Variants in PDE10A observed in about 807,000 individuals in gnomAD.
The protein encoded by PDE10A is phosphodiesterase 10A.
In PDE10A, 39 loss-of-function variants were observed where a neutral mutation model predicts 97.7. That is an observed-to-expected ratio of 0.40 (90% confidence interval 0.31 to 0.52). The LOEUF (loss-of-function observed/expected upper bound fraction) is 0.52, where lower values mean the gene tolerates loss of function less well. Among genes scored for constraint, PDE10A ranks in the 20% least tolerant of loss-of-function variants. The pLI is 0.56. For synonymous variants in PDE10A, 371 were observed against 376.8 expected (o/e 0.98, Z 0.18); for missense variants, 731 against 1,047.8 (o/e 0.70, Z 4.17).
chr6:165,364,811 A>C (rs372250805), intron 18 of PDE10A, among the ~76,000 whole-genome samples: 6 of 152,210 alleles, frequency 3.9e-5, no homozygotes, highest in African/African-American at 1.4e-4. Context: ...AAAAATAAAA[A>C]ACAAGCAAAC....
At chr6:165,796,101 T>C (rs1010489756) in intron 1 of PDE10A, among the ~76,000 whole-genome samples, 12 of 144,038 alleles carry the variant, frequency 8.3e-5, no homozygotes, top group South Asian at 2.3e-4. Context: ...CTTTTTTTTT[T>C]TTTTTTTTTT....
rs1326612566 is a variant in PDE10A at position 165,671,854 on chromosome 6, G to T, written c.-614-128286C>A. ...CTTAAAGGGAGATCATTTTATAGGG[G>T]CATCAGTTAAAATGGTCTCCCCATA... On this transcript the variant is annotated intron_variant, in intron 1 of 19. Transcript: ENST00000366882. This position sits in a 1 kb window ranked among gnomAD's most constrained non-coding sequence, Gnocchi z 4.6. Among the ~76,000 whole-genome samples the T allele has an allele frequency of 2.0e-5, 3 of 152,054 alleles. No individual in the cohort carries two copies. Among genetic ancestry groups the T allele is most frequent in the Non-Finnish European group, 4.4e-5 (3 of 68,028 alleles).
intron 1 of PDE10A, among the ~76,000 whole-genome samples, chr6:165,547,988 T>TA (rs1296085966): frequency 6.6e-6 from 1 of 152,150 alleles, no homozygotes; most frequent in Non-Finnish European, 1.5e-5. Flanking sequence ...CGCATATGTA[T>TA]AAATATACAT....
intron 3 of PDE10A, among the ~76,000 whole-genome samples, chr6:165,472,341 T>C (rs1055445940): frequency 6.6e-6 from 1 of 152,112 alleles, no homozygotes; most frequent in African/African-American, 2.4e-5. Flanking sequence ...CCCTTTCTCA[T>C]TCCTAATGCC....
chr6:165,859,433 C>T lies in PDE10A; in HGVS notation c.-615+128096G>A, dbSNP rs537324957. On this transcript the variant is annotated intron_variant, in intron 1 of 19. Coordinates refer to the PDE10A transcript ENST00000366882. ...ACCCTGCCCCACTCAACAACAGCTC[C>T]CTGCTCCTCCTTCCCTTGGGGGCCA... Among the ~76,000 whole-genome samples, 257 of 152,332 alleles carry T rather than the reference C, an allele frequency of 1.7e-3. 1 individual carries two copies. Among genetic ancestry groups the T allele is most frequent in the Non-Finnish European group, 1.6e-3 (106 of 68,028 alleles).
chr6:165,366,136 A>G (rs1783756325), intron 18 of PDE10A, among the ~76,000 whole-genome samples: 1 of 152,180 alleles, frequency 6.6e-6, no homozygotes, highest in South Asian at 2.1e-4. Context: ...CATGATAAAC[A>G]TGATTTATCA....
chr6:165,925,851 T>A (rs1782916289), intron 1 of PDE10A, among the ~76,000 whole-genome samples: 1 of 152,120 alleles, frequency 6.6e-6, no homozygotes, highest in Non-Finnish European at 1.5e-5. Context: ...CACATAGAAC[T>A]AAATACACAC....
At chr6:165,749,403 AACAC>A (rs1792937339) in intron 1 of PDE10A, among the ~76,000 whole-genome samples, 5 of 149,048 alleles carry the variant, frequency 3.4e-5, no homozygotes, top group Admixed American at 6.7e-5. Context: ...CATTACCATC[AACAC>A]CATCACCATC....
intron 18 of PDE10A, among the ~76,000 whole-genome samples, chr6:165,361,070 A>G (rs1783385714): frequency 6.6e-6 from 1 of 152,260 alleles, no homozygotes; most frequent in Non-Finnish European, 1.5e-5. Flanking sequence ...AGATTAAAAG[A>G]GAATTGTATA....
chr6:165,494,780 C>A (rs192844899), intron 2 of PDE10A, among the ~76,000 whole-genome samples: 1 of 152,088 alleles, frequency 6.6e-6, no homozygotes, highest in East Asian at 1.9e-4. Context: ...AGTAAGTAGC[C>A]TGCTTTCTGT....
chr6:165,363,713 C>A (rs1562384638), intron 18 of PDE10A, among the ~76,000 whole-genome samples: 2 of 151,852 alleles, frequency 1.3e-5, no homozygotes, highest in Non-Finnish European at 2.9e-5. Flanking sequence ...GTACAAAAAT[C>A]AATTATTTCT....
rs370007179 is a variant in PDE10A, at chr6:165,567,452, A to G, written c.866-23884T>C. On this transcript the variant is annotated intron_variant, in intron 1 of 21. Transcript: ENST00000539869. ...CATAGCCATGGGCTAAAAATGACCT[A>G]GAGAAACTGTCAAAATGTTCTTCAA... Among the ~76,000 whole-genome samples, 518 of 152,352 alleles carry G rather than the reference A, an allele frequency of 3.4e-3. 3 individuals carry two copies. The highest frequency in any genetic ancestry group is 6.6e-3 in the Non-Finnish European group (446 of 68,032).
intron 3 of PDE10A, among the ~76,000 whole-genome samples, chr6:165,451,786 A>G (rs1017315985): frequency 1.3e-5 from 2 of 152,234 alleles, no homozygotes; most frequent in African/African-American, 4.8e-5. Flanking sequence ...ACCCTAGAAC[A>G]GTGGAACAAA....
chr6:165,843,959 C>A (rs1258471622), intron 1 of PDE10A, among the ~76,000 whole-genome samples: 1 of 152,118 alleles, frequency 6.6e-6, no homozygotes, highest in Non-Finnish European at 1.5e-5. Context: ...GCAGCTCTGA[C>A]CCCACCTTAG....
intron 3 of PDE10A, among the ~76,000 whole-genome samples, chr6:165,477,325 G>T (rs972868469): frequency 4.6e-5 from 7 of 152,254 alleles, no homozygotes; most frequent in Non-Finnish European, 1.0e-4. Context: ...AGCCAAGCTT[G>T]CCTGGTCCCA....
chr6:165,884,939 C>A (rs1781587241), intron 1 of PDE10A, among the ~76,000 whole-genome samples: 1 of 152,144 alleles, frequency 6.6e-6, no homozygotes, highest in Non-Finnish European at 1.5e-5. Flanking sequence ...AGTGGCGGTG[C>A]GCGTAATTGC....
chr6:165,432,469 G>C (rs1170455431), intron 7 of PDE10A, among the ~76,000 whole-genome samples: 2 of 152,146 alleles, frequency 1.3e-5, no homozygotes, highest in Non-Finnish European at 2.9e-5. Flanking sequence ...GTTCATTCAG[G>C]CAAGTGAACA....
intron 1 of PDE10A, among the ~76,000 whole-genome samples, chr6:165,917,759 T>C (rs1414323726): frequency 6.6e-6 from 1 of 152,186 alleles, no homozygotes; most frequent in Non-Finnish European, 1.5e-5. Flanking sequence ...CAACGCCCCC[T>C]GCGTCACCAT....
At position 165,435,321 on chromosome 6, in the gene PDE10A, A is replaced by G; in HGVS notation, c.1251T>C (p.Pro417=). 6.2e-7 allele frequency: 1 copy of G among 1,614,024 alleles called. No homozygotes were observed. The part of the protein sequence containing the change: ...GIKEGKPRLI[P]AGPITQGTTV... ...TGGTGCCCTGAGTGATGGGCCCAGC[A>G]GGGATGAGGCGGGGTTTTCCTTCCT... Residue 417 remains proline (P), a synonymous_variant, in exon 6 of 22, where the codon CCT becomes CCC. Coordinates refer to ENST00000539869, the MANE Select transcript of PDE10A (RefSeq NM_001385079.1).
Sources: allele counts gnomAD v4.1 joint callset (sites outside exome capture counted in the v4.1 genomes callset), GRCh38; gene constraint gnomAD v4.1.1; non-coding constraint Gnocchi (gnomAD v3.1); transcripts MANE v1.5; gene names NCBI Gene and HGNC (gene_info 2026-07-23, HGNC 2026-07-21).